SHTN1: variants seen among roughly 807,000 people sequenced by gnomAD.
SHTN1 encodes the protein shootin 1.
SHTN1 carries 42 observed loss-of-function variants against 83.1 expected under a neutral mutation model. That is an observed-to-expected ratio of 0.51 (90% CI 0.39 to 0.65). The LOEUF (loss-of-function observed/expected upper bound fraction) is 0.65. Among genes scored for constraint, SHTN1 ranks in the 30% least tolerant of loss-of-function variants. SHTN1 has a pLI of 0.00. For missense variants in SHTN1, 622 were observed against 737.8 expected (o/e 0.84, Z 1.82); for synonymous variants, 224 against 247.7 (o/e 0.90, Z 0.90).
chr10:117,034,057 A>G (rs1304491950), intron 2 of SHTN1, among the ~76,000 whole-genome samples: 3 of 152,210 alleles, frequency 2.0e-5, no homozygotes, highest in East Asian at 3.9e-4. Flanking sequence ...TGACTTTCAT[A>G]TGACTCACAG....
intron 2 of SHTN1, among the ~76,000 whole-genome samples, chr10:117,024,843 AACAG>A (rs1393100217): frequency 3.9e-5 from 6 of 152,230 alleles, no homozygotes; most frequent in Non-Finnish European, 8.8e-5. Context: ...TATGTAATAA[AACAG>A]ACAAAAATGT....
At chr10:116,983,714 A>G (rs1366124375) in intron 1 of SHTN1, among the ~76,000 whole-genome samples, 2 of 150,990 alleles carry the variant, frequency 1.3e-5, no homozygotes, top group Admixed American at 1.3e-4. Flanking sequence ...ATACATACAT[A>G]CATACATACA....
intron 1 of SHTN1, among the ~76,000 whole-genome samples, chr10:116,999,767 G>A (rs1851755820): frequency 6.6e-6 from 1 of 152,096 alleles, no homozygotes; most frequent in Non-Finnish European, 1.5e-5. Context: ...ACAAAAATTA[G>A]CCGGGTGTGG....
chr10:117,122,420 C>T (rs1409632226), intron 1 of SHTN1, among the ~76,000 whole-genome samples: 1 of 152,144 alleles, frequency 6.6e-6, no homozygotes, highest in Non-Finnish European at 1.5e-5. Flanking sequence ...CTCAAGCGAT[C>T]CTCTCACCCC....
At chr10:116,888,234 AC>A (rs1847223848) in intron 16 of SHTN1, among the ~76,000 whole-genome samples, 1 of 152,208 alleles carries the variant, frequency 6.6e-6, no homozygotes, top group Non-Finnish European at 1.5e-5. Flanking sequence ...TGGCCAAGGA[AC>A]TACTTCTCCA....
In SHTN1 at chr10:116,883,251, T is replaced by C. The variant is rs539611886; in HGVS notation, c.*3093A>G. The C allele has an allele frequency of 1.7e-4, 26 of 152,314 alleles. No individual in the cohort carries two copies. The highest frequency in any genetic ancestry group is 8.8e-5 in the Non-Finnish European group (6 of 68,020). The allele number at this position is 152,314 out of a possible 1,614,324, so 9.4% of individuals were successfully genotyped here. On this transcript the variant is annotated 3_prime_UTR_variant, in exon 17 of 17. Coordinates refer to ENST00000355371, the MANE Select transcript of SHTN1 (RefSeq NM_001127211.3). Reference sequence around the variant, plus strand: ...GGGTGCTAGGCACTCTTTCTACTTATACTTTCTCTCTCTTGTGTTATATAA... The same window carrying C: ...GGGTGCTAGGCACTCTTTCTACTTACACTTTCTCTCTCTTGTGTTATATAA...
At chr10:117,039,857 A>G (rs2133579710) in intron 2 of SHTN1, among the ~76,000 whole-genome samples, 1 of 152,024 alleles carries the variant, frequency 6.6e-6, no homozygotes, top group African/African-American at 2.4e-5. Context: ...CATCAAAAAA[A>G]AAAAAAAAGA....
intron 11 of SHTN1, among the ~76,000 whole-genome samples, chr10:116,926,670 T>A (rs1248548999): frequency 6.6e-6 from 1 of 151,774 alleles, no homozygotes; most frequent in African/African-American, 2.4e-5. Context: ...ATGGCCTCTC[T>A]GTGTGAAAGG....
intron 16 of SHTN1, among the ~76,000 whole-genome samples, chr10:116,891,672 G>A (rs1847346521): frequency 6.6e-6 from 1 of 152,088 alleles, no homozygotes; most frequent in African/African-American, 2.4e-5. Context: ...TACAGCAGAG[G>A]TAGTTTTGAT....
chr10:117,074,636 C>A (rs965905210), intron 1 of SHTN1, among the ~76,000 whole-genome samples: 1 of 152,144 alleles, frequency 6.6e-6, no homozygotes, highest in Non-Finnish European at 1.5e-5. Flanking sequence ...CTTTCCAGAA[C>A]AATACAGAAT....
chr10:117,077,884 T>C (rs1399001261), intron 1 of SHTN1, among the ~76,000 whole-genome samples: 3 of 152,196 alleles, frequency 2.0e-5, no homozygotes, highest in Non-Finnish European at 4.4e-5. Flanking sequence ...TGTATTTATC[T>C]TGATGCCCCA....
chr10:116,901,345 G>A, intron 16 of SHTN1: 3 of 984,864 alleles, frequency 3.0e-6, no homozygotes, highest in Non-Finnish European at 3.6e-6. Context: ...TTTAACTGAA[G>A]ACTAGAAAAG....
intron 12 of SHTN1, among the ~76,000 whole-genome samples, chr10:116,916,315 G>A (rs1318484130): frequency 6.6e-6 from 1 of 152,174 alleles, no homozygotes; most frequent in Non-Finnish European, 1.5e-5. Flanking sequence ...CAAAATCACA[G>A]AACCATTTCA....
rs187259203 is a variant in SHTN1, at chr10:116,894,411, C to G, written c.1673+7354G>C. Among the ~76,000 whole-genome samples, 25 of 152,294 alleles carry G rather than the reference C, an allele frequency of 1.6e-4. No homozygotes were observed. In the East Asian group the frequency reaches 4.8e-3, roughly 29 times the overall value. Reference sequence around the variant, plus strand: ...CTTTTGACTCCCCCAAACGAAAAAGCAAACTGCCTGTCTGGCAGTTAAAAA... The same window carrying G: ...CTTTTGACTCCCCCAAACGAAAAAGGAAACTGCCTGTCTGGCAGTTAAAAA... On this transcript the variant is annotated intron_variant, in intron 16 of 16. Coordinates refer to ENST00000355371, the MANE Select transcript of SHTN1 (RefSeq NM_001127211.3).
At chr10:117,004,092 G>A (rs1181558309) in intron 1 of SHTN1, among the ~76,000 whole-genome samples, 1 of 151,938 alleles carries the variant, frequency 6.6e-6, no homozygotes, top group Non-Finnish European at 1.5e-5. Context: ...TCTCCATGTT[G>A]GTTAGGCTGG....
chr10:117,037,124 G>C (rs1421738362), intron 2 of SHTN1, among the ~76,000 whole-genome samples: 1 of 152,242 alleles, frequency 6.6e-6, no homozygotes, highest in East Asian at 1.9e-4. Flanking sequence ...CAATGAATAA[G>C]TGGATTTTGA....
chr10:116,957,000 C>T (rs527559661), intron 4 of SHTN1, among the ~76,000 whole-genome samples: 1 of 152,180 alleles, frequency 6.6e-6, no homozygotes, highest in Admixed American at 6.5e-5. Flanking sequence ...ACCACAGCCT[C>T]AAAGTCTCAA....
At chr10:116,956,001 C>T (rs757032579) in intron 4 of SHTN1, among the ~76,000 whole-genome samples, 10 of 152,168 alleles carry the variant, frequency 6.6e-5, no homozygotes, top group African/African-American at 9.7e-5. Context: ...GCATGGCACA[C>T]GAAGCTCAAG....
At chr10:117,039,324 G>A (rs1852548309) in intron 2 of SHTN1, among the ~76,000 whole-genome samples, 1 of 152,178 alleles carries the variant, frequency 6.6e-6, no homozygotes, top group Admixed American at 6.5e-5. Flanking sequence ...CAGAGGTAAT[G>A]GGGTGGTGAG....
Sources: gnomAD v4.1 joint callset for allele counts (sites outside exome capture counted in the v4.1 genomes callset) on GRCh38, gnomAD v4.1.1 for gene constraint, MANE v1.5 for transcripts, NCBI Gene and HGNC (gene_info 2026-07-23, HGNC 2026-07-21) for gene names.